Variants in SDK1 observed in about 807,000 individuals in gnomAD.
SDK1 encodes protein sidekick-1.
SDK1 carries 157 observed loss-of-function variants against 245.5 expected under a neutral mutation model. The observed-to-expected ratio is 0.64, with a 90% CI of 0.56 to 0.73. The LOEUF is 0.73. SDK1 is among the 30% of genes least tolerant of loss of function. The pLI is 0.00. For missense variants in SDK1, 3,583 were observed against 3,002.3 expected, an observed-to-expected ratio of 1.19 and a Z score of -4.52; for synonymous variants, 1,647 against 1,278.5, an observed-to-expected ratio of 1.29 and a Z score of -6.15.
chr7:3,438,580 G>A (rs1422095535), intron 1 of SDK1, among the ~76,000 whole-genome samples: 1 of 152,168 alleles, frequency 6.6e-6, no homozygotes, highest in Non-Finnish European at 1.5e-5. Flanking sequence ...TGCAGGAGTT[G>A]GTCAGTAGGA....
At chr7:4,246,619 C>A (rs1184105216) in intron 44 of SDK1, among the ~76,000 whole-genome samples, 1 of 152,158 alleles carries the variant, frequency 6.6e-6, no homozygotes, top group Admixed American at 6.5e-5. Flanking sequence ...AAGCTTCTGT[C>A]CTAGCTCCCT....
intron 4 of SDK1, among the ~76,000 whole-genome samples, chr7:3,775,691 C>G: frequency 6.6e-6 from 1 of 151,944 alleles, no homozygotes; most frequent in East Asian, 1.9e-4. Flanking sequence ...ATTCTCCTGC[C>G]TCAGCCTCCC....
intron 20 of SDK1, among the ~76,000 whole-genome samples, chr7:4,075,879 C>G (rs1011210864): frequency 6.6e-6 from 1 of 152,058 alleles, no homozygotes; most frequent in Non-Finnish European, 1.5e-5. Flanking sequence ...TCTCCAACTC[C>G]TGAGCTCAGG....
intron 35 of SDK1, among the ~76,000 whole-genome samples, chr7:4,193,978 C>T (rs1226005517): frequency 6.6e-6 from 1 of 152,178 alleles, no homozygotes; most frequent in Admixed American, 6.5e-5. Flanking sequence ...TTGCATAACT[C>T]TCTAAACAAT....
chr7:3,506,050 A>T (rs918633297), intron 1 of SDK1, among the ~76,000 whole-genome samples: 2 of 152,144 alleles, frequency 1.3e-5, no homozygotes, highest in African/African-American at 4.8e-5. Context: ...ATTTGTAGAC[A>T]CCCACATTTA....
chr7:4,012,764 G>A (rs1238544452), intron 16 of SDK1, among the ~76,000 whole-genome samples: 2 of 151,418 alleles, frequency 1.3e-5, no homozygotes, highest in African/African-American at 4.9e-5. Flanking sequence ...GGTAGAGACA[G>A]GGTTTCACCA....
chr7:3,567,297 A>G (rs1274989635), intron 1 of SDK1, among the ~76,000 whole-genome samples: 1 of 152,204 alleles, frequency 6.6e-6, no homozygotes, highest in Admixed American at 6.5e-5. Context: ...TGTTGTGAGA[A>G]TGAAATGGCT....
chr7:3,435,321 CTTTTTTTT>C (rs71029672), intron 1 of SDK1, among the ~76,000 whole-genome samples: 6 of 56,878 alleles, frequency 1.1e-4, no homozygotes, highest in South Asian at 9.0e-4. Context: ...AGGGGACTGC[CTTTTTTTT>C]TTTTTTTTTT....
At chr7:3,322,363 A>G (rs1004623807) in intron 1 of SDK1, among the ~76,000 whole-genome samples, 1 of 152,120 alleles carries the variant, frequency 6.6e-6, no homozygotes. Flanking sequence ...TATGTGCCAC[A>G]GTTTGTTTAT....
chr7:3,922,304 AC>A (rs1042033710), intron 5 of SDK1, among the ~76,000 whole-genome samples: 21 of 151,988 alleles, frequency 1.4e-4, no homozygotes, highest in African/African-American at 4.1e-4. Flanking sequence ...GAGCCCACTT[AC>A]CCCAGCTAGT....
chr7:3,869,451 T>A (rs1327438574), intron 5 of SDK1, among the ~76,000 whole-genome samples: 3 of 152,108 alleles, frequency 2.0e-5, no homozygotes, highest in African/African-American at 7.2e-5. Context: ...CCACCACGCC[T>A]GGCCTGTATT....
At chr7:4,032,709 A>C (rs992327730) in intron 17 of SDK1, among the ~76,000 whole-genome samples, 1 of 152,238 alleles carries the variant, frequency 6.6e-6, no homozygotes, top group Non-Finnish European at 1.5e-5. Context: ...ATCAGAGAGA[A>C]GATCCCATTT....
intron 41 of SDK1, among the ~76,000 whole-genome samples, chr7:4,237,227 T>G (rs1562467472): frequency 6.6e-6 from 1 of 151,984 alleles, no homozygotes; most frequent in African/African-American, 2.4e-5. Context: ...TTGTTTTTTG[T>G]TTTTTTAGAG....
chr7:3,723,002 G>A (rs1006097463), intron 4 of SDK1, among the ~76,000 whole-genome samples: 1 of 152,204 alleles, frequency 6.6e-6, no homozygotes, highest in Non-Finnish European at 1.5e-5. Flanking sequence ...GAGAAGAAAA[G>A]AAGTAACAAG....
At chr7:4,053,183 T>G (rs1369027760) in intron 19 of SDK1, among the ~76,000 whole-genome samples, 1 of 151,980 alleles carries the variant, frequency 6.6e-6, no homozygotes, top group Non-Finnish European at 1.5e-5. Flanking sequence ...CTCAGCCTTC[T>G]GAACTTGTCT....
At chr7:3,510,184 A>T (rs1230885986) in intron 1 of SDK1, among the ~76,000 whole-genome samples, 1 of 152,192 alleles carries the variant, frequency 6.6e-6, no homozygotes, top group African/African-American at 2.4e-5. Flanking sequence ...GCTTTAATTC[A>T]AACCATTATG....
chr7:3,761,989 G>T (rs1780119313), intron 4 of SDK1, among the ~76,000 whole-genome samples: 1 of 152,090 alleles, frequency 6.6e-6, no homozygotes, highest in Non-Finnish European at 1.5e-5. Flanking sequence ...TGCTTTCTTT[G>T]TAGTGAACTG....
At chr7:4,114,370 G>C (rs1222986229) in intron 25 of SDK1, 96 bp downstream of exon 25, 2 of 936,354 alleles carry the variant, frequency 2.1e-6, no homozygotes, top group Non-Finnish European at 3.2e-6. Flanking sequence ...GCGTCTCATT[G>C]GCCTGTCCCA....
intron 4 of SDK1, among the ~76,000 whole-genome samples, chr7:3,642,483 T>G (rs545117038): frequency 6.6e-5 from 10 of 151,912 alleles, no homozygotes; most frequent in South Asian, 2.1e-4. Context: ...TGCTGTGGGG[T>G]TTTTTTTCCC....
Sources: allele counts gnomAD v4.1 joint callset (sites outside exome capture counted in the v4.1 genomes callset), GRCh38; gene constraint gnomAD v4.1.1; transcripts MANE v1.5; gene names NCBI Gene and HGNC (gene_info 2026-07-23, HGNC 2026-07-21).